The following LRRC4B variants were observed in gnomAD, a reference collection of about 807,000 sequenced individuals.
LRRC4B encodes leucine rich repeat containing 4B.
In LRRC4B, 1 loss-of-function variant was observed where a neutral mutation model predicts 7.3. The observed-to-expected ratio is 0.14, with a 90% CI of 0.05 to 0.65. LRRC4B has a LOEUF of 0.65. Among genes scored for constraint, LRRC4B ranks in the 30% least tolerant of loss-of-function variants. The pLI, the probability that LRRC4B is intolerant of heterozygous loss-of-function variation, is 0.84. For missense variants in LRRC4B, 730 were observed against 1,041.6 expected (o/e 0.70, Z 4.12); for synonymous variants, 500 against 499.2 (o/e 1.00, Z -0.02).
At chr19:50,552,652 C>T (rs1251960902) in intron 1 of LRRC4B, among the ~76,000 whole-genome samples, 11 of 110,112 alleles carry the variant, frequency 1.0e-4, no homozygotes, top group African/African-American at 3.5e-4. Flanking sequence ...ATCCGTCCAT[C>T]CATCCATCCA....
chr19:50,545,110 C>T (rs1449148743), intron 2 of LRRC4B, among the ~76,000 whole-genome samples: 2 of 145,334 alleles, frequency 1.4e-5, no homozygotes, highest in African/African-American at 5.1e-5. Flanking sequence ...AAGACTCCAT[C>T]TCAAAAAAAA....
intron 1 of LRRC4B, among the ~76,000 whole-genome samples, chr19:50,564,373 C>T (rs951560010): frequency 3.3e-5 from 5 of 151,608 alleles, no homozygotes; most frequent in African/African-American, 4.9e-5. Context: ...GAGGGAGCCA[C>T]GGGGAAGGAG....
rs1982538303 is a variant in LRRC4B at position 50,563,618 on chromosome 19, A to C, written c.-36+4326T>G. Among the ~76,000 whole-genome samples the C allele has an allele frequency of 6.6e-6, 1 of 152,132 alleles. No homozygotes were observed. The highest frequency in any genetic ancestry group is 1.5e-5 in the Non-Finnish European group (1 of 68,028). On this transcript the variant is annotated intron_variant, in intron 1 of 2. Transcript: ENST00000652263. This position sits in a 1 kb window ranked among gnomAD's most constrained non-coding sequence, Gnocchi z 4.9. ...CCACCTGCTCTGGGGCCAAATGTGCAGCCTGGTGTACAGAGAAGCCCACCC... is the reference window on the plus strand; with the variant it reads ...CCACCTGCTCTGGGGCCAAATGTGCCGCCTGGTGTACAGAGAAGCCCACCC...
chr19:50,525,219 G>C (rs1291222261), intron 2 of LRRC4B, among the ~76,000 whole-genome samples: 1 of 152,174 alleles, frequency 6.6e-6, no homozygotes, highest in African/African-American at 2.4e-5. Context: ...CTTACCACGA[G>C]GAGGATGATG....
intron 2 of LRRC4B, among the ~76,000 whole-genome samples, chr19:50,522,429 G>T (rs1980619293): frequency 6.6e-6 from 1 of 151,700 alleles, no homozygotes; most frequent in East Asian, 1.9e-4. Context: ...GGCAAAACCC[G>T]ATCAGAACTC....
intron 2 of LRRC4B, among the ~76,000 whole-genome samples, chr19:50,536,105 C>A (rs1030100686): frequency 1.3e-5 from 2 of 151,130 alleles, no homozygotes; most frequent in African/African-American, 4.9e-5. Context: ...CCCGCCAGCT[C>A]GTGCACGCTG....
intron 2 of LRRC4B, among the ~76,000 whole-genome samples, chr19:50,542,981 C>T (rs1981618222): frequency 6.6e-6 from 1 of 152,130 alleles, no homozygotes; most frequent in African/African-American, 2.4e-5. Flanking sequence ...GCACCCAGGC[C>T]AGGGGCAGGC....
intron 2 of LRRC4B, among the ~76,000 whole-genome samples, chr19:50,545,771 T>C (rs1405865593): frequency 6.1e-5 from 9 of 148,730 alleles, no homozygotes; most frequent in Non-Finnish European, 1.3e-4. Context: ...TTGCCCAGGA[T>C]GGAGTGCAGT....
intron 2 of LRRC4B, among the ~76,000 whole-genome samples, chr19:50,531,641 T>C (rs1318835906): frequency 1.3e-5 from 2 of 152,174 alleles, no homozygotes; most frequent in Admixed American, 6.5e-5. Flanking sequence ...AGAATTCCAG[T>C]CTATTCTGTC....
At chr19:50,521,006 G>C (rs1356507335) in intron 2 of LRRC4B, among the ~76,000 whole-genome samples, 5 of 152,098 alleles carry the variant, frequency 3.3e-5, no homozygotes, top group Non-Finnish European at 5.9e-5. Flanking sequence ...TCCTCAGCAG[G>C]TGAATGGACA....
rs1980347076 is a variant in LRRC4B at position 50,517,778 on chromosome 19, G to A, written c.1935C>T (p.Gly645=). The stretch of plus-strand genomic sequence containing the variant: ...CGGGCAGGGCCAGGTGGCTGTCCCC[G>A]CCCACACCACCCCCACTGGCCACGG... ...AAAVASGGGV[G]GDSHLALPAL... is the part of the protein sequence containing the mutation. Residue 645 remains glycine, a synonymous_variant, in exon 3 of 3, where the codon GGC becomes GGT. Coordinates refer to ENST00000652263, the MANE Select transcript of LRRC4B (RefSeq NM_001080457.2). The surrounding 1 kb of genome is among the most constrained non-coding windows in gnomAD (Gnocchi z 6.6). 1 of 1,525,388 alleles carries A rather than the reference G, an allele frequency of 6.6e-7. No individual in the cohort carries two copies. The allele number at this position is 1,525,388 out of a possible 1,614,324, so 94.5% of individuals were successfully genotyped here.
intron 2 of LRRC4B, among the ~76,000 whole-genome samples, chr19:50,546,706 C>T (rs1039571786): frequency 6.6e-6 from 1 of 152,128 alleles, no homozygotes; most frequent in South Asian, 2.1e-4. Context: ...GCGCTCAGCA[C>T]GTTTGTGGGA....
intron 1 of LRRC4B, among the ~76,000 whole-genome samples, chr19:50,549,308 G>A (rs1981952934): frequency 6.6e-6 from 1 of 152,218 alleles, no homozygotes. Flanking sequence ...AAGAGCAAGC[G>A]AGGTGGCGAG....
rs968646324 is a variant in LRRC4B, at chr19:50,539,436, G to A, written c.297+9106C>T. ...CAGGAATAAATGGGGTTAGATGAGC[G>A]CTCCCTGACCCCCTGCTCCAGATAA... On this transcript the variant is annotated intron_variant, in intron 2 of 2. Coordinates refer to ENST00000652263, the MANE Select transcript of LRRC4B (RefSeq NM_001080457.2). Among the ~76,000 whole-genome samples, 7 of 152,124 alleles carry A rather than the reference G, an allele frequency of 4.6e-5. No individual in the cohort carries two copies. In the East Asian group the frequency reaches 5.8e-4, roughly 13 times the overall value.
rs1426079271 is a variant in LRRC4B, at chr19:50,537,991, G to A, written c.297+10551C>T. 6.6e-6 allele frequency among the ~76,000 whole-genome samples: 1 copy of A among 152,154 alleles called. No individual in the cohort carries two copies. The highest frequency in any genetic ancestry group is 1.5e-5 in the Non-Finnish European group (1 of 68,016). On this transcript the variant is annotated intron_variant, in intron 2 of 2. Transcript: ENST00000652263. This position sits in a 1 kb window ranked among gnomAD's most constrained non-coding sequence, Gnocchi z 5.5. The stretch of plus-strand genomic sequence containing the variant: ...CCCGCGGCTGGGGAATGTCCCAGTT[G>A]ACCTCAAGAGAGGTCAGCTCCTAGA...
chr19:50,562,591 G>C (rs990843966), intron 1 of LRRC4B, among the ~76,000 whole-genome samples: 4 of 152,174 alleles, frequency 2.6e-5, no homozygotes, highest in Non-Finnish European at 5.9e-5. Flanking sequence ...CTTTGTTGTA[G>C]TGTTTGAACA....
Position 50,518,103 on chromosome 19 carries a change from G to A in LRRC4B, c.1610C>T (p.Ser537Phe), listed in dbSNP as rs755856206. The change falls in exon 3 of 3, where the codon TCT becomes TTT. Residue 537 changes from serine to phenylalanine, a missense_variant. Ser to Phe is a radical substitution (Grantham distance 155). This residue lies in a region of LRRC4B where 192 missense variants were observed against 228.6 expected (regional missense o/e 0.84). Coordinates refer to ENST00000652263, the MANE Select transcript of LRRC4B (RefSeq NM_001080457.2). Reference protein sequence around the residue: ...PGDAAGPASSSTTAPAPRSSR... With the variant: ...PGDAAGPASSFTTAPAPRSSR... Reference sequence around the variant, plus strand: ...GGAGCGCGGGGCGGGTGCCGTGGTAGAAGACGAGGCAGGGCCGGCCGCGTC... The same window carrying A: ...GGAGCGCGGGGCGGGTGCCGTGGTAAAAGACGAGGCAGGGCCGGCCGCGTC... 1 of 1,596,702 alleles carries A rather than the reference G, an allele frequency of 6.3e-7. No homozygotes were observed. The highest frequency in any genetic ancestry group is 2.2e-5 in the East Asian group (1 of 44,634).
chr19:50,554,006 T>C (rs552841766), intron 1 of LRRC4B, among the ~76,000 whole-genome samples: 74 of 148,456 alleles, frequency 5.0e-4, no homozygotes, highest in Middle Eastern at 3.4e-3. Context: ...TTTTTTTTTT[T>C]TTTTTGAGAC....
intron 1 of LRRC4B, among the ~76,000 whole-genome samples, chr19:50,559,653 C>G (rs555213084): frequency 6.6e-6 from 1 of 152,218 alleles, no homozygotes; most frequent in Non-Finnish European, 1.5e-5. Context: ...CCCGCCAGCT[C>G]CACTCATAGG....
Sources: allele counts gnomAD v4.1 joint callset (sites outside exome capture counted in the v4.1 genomes callset), GRCh38; gene constraint gnomAD v4.1.1; regional missense constraint gnomAD v4.1.1; non-coding constraint Gnocchi (gnomAD v3.1); transcripts MANE v1.5; gene names NCBI Gene and HGNC (gene_info 2026-07-23, HGNC 2026-07-21).